The following CYP20A1 variants were observed in gnomAD, a reference collection of about 807,000 sequenced individuals.
CYP20A1 encodes the protein cytochrome P450 20A1.
Under a neutral mutation model 61.4 loss-of-function variants are expected in CYP20A1, and 61 were observed. The ratio of observed to expected loss-of-function variants is 0.99; its 90% CI spans 0.81 to 1.23. The LOEUF (loss-of-function observed/expected upper bound fraction) is 1.23. Among genes scored for constraint, CYP20A1 ranks in the 50% most tolerant of loss-of-function variants. CYP20A1 has a pLI of 0.00. For synonymous variants in CYP20A1, 193 were observed against 188.2 expected (o/e 1.03, Z -0.21); for missense variants, 530 against 542.4 (o/e 0.98, Z 0.23).
chr2:203,240,027 C>T (rs1191803746), intron 1 of CYP20A1, among the ~76,000 whole-genome samples: 2 of 152,076 alleles, frequency 1.3e-5, no homozygotes, highest in African/African-American at 2.4e-5. Context: ...ACCTGGGAGG[C>T]GGAGCTTGCA....
intron 2 of CYP20A1, among the ~76,000 whole-genome samples, chr2:203,246,547 CT>C (rs1442028467): frequency 1.3e-5 from 2 of 152,068 alleles, no homozygotes; most frequent in Non-Finnish European, 2.9e-5. Context: ...GTTAAGAATT[CT>C]TAAAATATCA....
intron 4 of CYP20A1, among the ~76,000 whole-genome samples, chr2:203,260,353 G>T (rs983383660): frequency 3.3e-5 from 5 of 151,838 alleles, no homozygotes; most frequent in African/African-American, 9.7e-5. Context: ...CTCCCAAGTA[G>T]CTGGAAGTAT....
intron 7 of CYP20A1, among the ~76,000 whole-genome samples, chr2:203,279,130 A>C (rs1247377327): frequency 6.6e-6 from 1 of 151,922 alleles, no homozygotes; most frequent in South Asian, 2.1e-4. Flanking sequence ...ACGCCCAGAT[A>C]ATTTTTCTGT....
chr2:203,252,259 A>G, intron 4 of CYP20A1, 150 bp downstream of exon 4: 1 of 607,034 alleles, frequency 1.6e-6, no homozygotes, highest in Non-Finnish European at 2.6e-6. Flanking sequence ...CAACAATAAC[A>G]AAACACACAC....
At chr2:203,275,471 A>G (rs1013000489) in intron 6 of CYP20A1, among the ~76,000 whole-genome samples, 2 of 150,714 alleles carry the variant, frequency 1.3e-5, no homozygotes. Flanking sequence ...ATCTCGCTCT[A>G]TTGCCCAGGC....
At chr2:203,293,171 G>A (rs1191209400) in intron 11 of CYP20A1, among the ~76,000 whole-genome samples, 2 of 145,098 alleles carry the variant, frequency 1.4e-5, no homozygotes, top group African/African-American at 2.5e-5. Flanking sequence ...CAAGACACAA[G>A]ACTCCGTCTC....
chr2:203,273,936 G>C (rs1209451341), intron 6 of CYP20A1, among the ~76,000 whole-genome samples: 1 of 152,030 alleles, frequency 6.6e-6, no homozygotes, highest in East Asian at 1.9e-4. Context: ...GAGAGAGTGA[G>C]ACTCTTATCT....
chr2:203,244,436 G>A (rs1242649377), intron 1 of CYP20A1, among the ~76,000 whole-genome samples: 1 of 152,006 alleles, frequency 6.6e-6, no homozygotes, highest in Non-Finnish European at 1.5e-5. Context: ...CTGACCTCAA[G>A]TGATCATCCA....
At chr2:203,271,726 A>C (rs2067607222) in intron 5 of CYP20A1, among the ~76,000 whole-genome samples, 2 of 152,144 alleles carry the variant, frequency 1.3e-5, no homozygotes, top group South Asian at 2.1e-4. Flanking sequence ...TTATTTTTAC[A>C]CTTATGCCAG....
At chr2:203,274,982 G>T (rs1232841751) in intron 6 of CYP20A1, among the ~76,000 whole-genome samples, 1 of 152,160 alleles carries the variant, frequency 6.6e-6, no homozygotes, top group Non-Finnish European at 1.5e-5. Flanking sequence ...GCTTTTATTA[G>T]AAATGATTAT....
At position 203,300,345 on chromosome 2, in the gene CYP20A1, CTG is replaced by C. The variant is rs1422997908; in HGVS notation, c.*3439_*3440del. ...ATATATAAACTAAGTTATTCATTCA[CTG>C]TTTTTCTTCACAGTAAGAATGACAA... On this transcript the variant is annotated 3_prime_UTR_variant, in exon 13 of 13. Transcript: ENST00000356079. Among the ~76,000 whole-genome samples, 1 of 152,148 alleles carries C rather than the reference CTG, an allele frequency of 6.6e-6. No homozygotes were observed. Among genetic ancestry groups the C allele is most frequent in the African/African-American group, 2.4e-5 (1 of 41,442 alleles).
intron 4 of CYP20A1, among the ~76,000 whole-genome samples, chr2:203,263,717 A>G (rs1415410660): frequency 2.0e-5 from 3 of 152,146 alleles, no homozygotes; most frequent in Non-Finnish European, 4.4e-5. Context: ...AGAAAGGTAG[A>G]ATTTTTCTAG....
At chr2:203,241,620 TTTAAG>T (rs758058438) in intron 1 of CYP20A1, among the ~76,000 whole-genome samples, 48 of 152,182 alleles carry the variant, frequency 3.2e-4, no homozygotes, top group Non-Finnish European at 5.4e-4. Flanking sequence ...CTGCAGATAT[TTTAAG>T]TTAAGGCCTA....
chr2:203,261,387 G>A (rs1352103866), intron 4 of CYP20A1, among the ~76,000 whole-genome samples: 1 of 151,304 alleles, frequency 6.6e-6, no homozygotes, highest in Non-Finnish European at 1.5e-5. Flanking sequence ...GCAAGACCCT[G>A]TCTCTACAAA....
At chr2:203,290,683 C>G (rs2068494856) in intron 10 of CYP20A1, among the ~76,000 whole-genome samples, 1 of 152,136 alleles carries the variant, frequency 6.6e-6, no homozygotes, top group African/African-American at 2.4e-5. Flanking sequence ...CACTCTGTCA[C>G]CCATCCTGGA....
At chr2:203,242,160 A>G (rs2066276232) in intron 1 of CYP20A1, among the ~76,000 whole-genome samples, 1 of 150,712 alleles carries the variant, frequency 6.6e-6, no homozygotes. Context: ...TAATTTTTTA[A>G]TTTTTTATAG....
chr2:203,266,895 C>T (rs376976254), intron 5 of CYP20A1, among the ~76,000 whole-genome samples: 40 of 152,142 alleles, frequency 2.6e-4, no homozygotes, highest in African/African-American at 8.7e-4. Flanking sequence ...GCATGAGAAT[C>T]GCTTGAACCT....
intron 10 of CYP20A1, 32 bp downstream of exon 10, chr2:203,289,908 A>G: frequency 8.9e-7 from 1 of 1,120,440 alleles, no homozygotes; most frequent in Non-Finnish European, 1.3e-6. Context: ...TAATTCATTC[A>G]GCTATTCTCA....
At chr2:203,265,795 A>G (rs928002212) in intron 4 of CYP20A1, among the ~76,000 whole-genome samples, 4 of 152,098 alleles carry the variant, frequency 2.6e-5, no homozygotes, top group African/African-American at 9.7e-5. Flanking sequence ...GATTCAAGCT[A>G]TTCTCCTGCT....
Sources: allele counts gnomAD v4.1 joint callset (sites outside exome capture counted in the v4.1 genomes callset), GRCh38; gene constraint gnomAD v4.1.1; transcripts MANE v1.5; gene names NCBI Gene and HGNC (gene_info 2026-07-23, HGNC 2026-07-21).